Variants in NLGN1 observed in about 807,000 individuals in gnomAD.
NLGN1 encodes the protein neuroligin 1.
Under a neutral mutation model 65.5 loss-of-function variants are expected in NLGN1, and 12 were observed. The observed-to-expected ratio is 0.18, with a 90% CI of 0.12 to 0.30. The LOEUF (loss-of-function observed/expected upper bound fraction) is 0.30. Among genes scored for constraint, NLGN1 ranks in the 10% least tolerant of loss-of-function variants. The probability of loss-of-function intolerance (pLI) is 1.00; values close to 1 mark genes in which losing one functional copy is unlikely to be tolerated. For synonymous variants in NLGN1, 350 were observed against 359.5 expected (o/e 0.97, Z 0.30); for missense variants, 750 against 1,007.1 (o/e 0.74, Z 3.46).
chr3:173,556,675 C>T (rs9859205), intron 2 of NLGN1, among the ~76,000 whole-genome samples: 3,586 of 151,932 alleles, frequency 0.024, 146 homozygotes, highest in African/African-American at 0.082. Context: ...GCCTGGTGCA[C>T]GTGCCTGTAG....
chr3:173,547,975 A>G (rs1740183334), intron 2 of NLGN1, among the ~76,000 whole-genome samples: 1 of 152,068 alleles, frequency 6.6e-6, no homozygotes, highest in South Asian at 2.1e-4. Flanking sequence ...TCTCGGGAGT[A>G]GTGCTAAGGT....
intron 4 of NLGN1, 76 bp downstream of exon 4, chr3:173,807,908 C>A: frequency 1.4e-6 from 2 of 1,462,852 alleles, no homozygotes; most frequent in South Asian, 2.3e-5. Context: ...TTGTTTTGTT[C>A]TGCTTTGCTT....
At chr3:174,283,933 A>G (rs1302197138) in exon 7 of NLGN1, 1 of 151,442 alleles carries the variant, frequency 6.6e-6, no homozygotes, top group South Asian at 2.1e-4. Context: ...TAAGATATGA[A>G]TGAATACTTT....
intron 2 of NLGN1, among the ~76,000 whole-genome samples, chr3:173,571,988 A>G (rs1391930819): frequency 6.6e-6 from 1 of 152,238 alleles, no homozygotes; most frequent in Non-Finnish European, 1.5e-5. Context: ...ATGAGGAAAA[A>G]GAATAATTTT....
At chr3:173,707,574 C>T (rs1308946983) in intron 3 of NLGN1, among the ~76,000 whole-genome samples, 1 of 152,056 alleles carries the variant, frequency 6.6e-6, no homozygotes, top group Non-Finnish European at 1.5e-5. Flanking sequence ...AAGACTGAGT[C>T]TCTGTCTCCC....
chr3:174,230,975 G>A (rs931344427), intron 4 of NLGN1, among the ~76,000 whole-genome samples: 1 of 152,140 alleles, frequency 6.6e-6, no homozygotes. Flanking sequence ...AGGCAGTCTA[G>A]TCCTCAGGCA....
At chr3:174,282,939 A>AGAT (rs1258431877) in exon 7 of NLGN1, 3 of 152,144 alleles carry the variant, frequency 2.0e-5, no homozygotes, top group African/African-American at 7.2e-5. Flanking sequence ...CAAGAATGAA[A>AGAT]GATTATTATA....
chr3:174,048,346 A>G (rs1182140483), intron 4 of NLGN1, among the ~76,000 whole-genome samples: 1 of 152,112 alleles, frequency 6.6e-6, no homozygotes, highest in African/African-American at 2.4e-5. Context: ...TGAGGGAATT[A>G]GACTGATTGG....
chr3:173,669,974 C>T (rs1762243624), intron 3 of NLGN1, among the ~76,000 whole-genome samples: 2 of 152,198 alleles, frequency 1.3e-5, no homozygotes, highest in Non-Finnish European at 2.9e-5. Context: ...ATAATTAAAA[C>T]TTTGTAAGGA....
chr3:174,278,438 A>G (rs481359), intron 5 of NLGN1, among the ~76,000 whole-genome samples: 18,840 of 151,988 alleles, frequency 0.12, 1,302 homozygotes, highest in African/African-American at 0.17. Flanking sequence ...GAAGATGGAC[A>G]CAGCCAAACT....
chr3:174,132,922 T>C (rs2152674830), intron 4 of NLGN1, among the ~76,000 whole-genome samples: 4 of 152,298 alleles, frequency 2.6e-5, no homozygotes, highest in Middle Eastern at 6.8e-3. Flanking sequence ...AAATTAGGCT[T>C]AACCACTAAT....
intron 4 of NLGN1, among the ~76,000 whole-genome samples, chr3:174,247,905 T>C (rs1198309772): frequency 6.6e-6 from 1 of 152,228 alleles, no homozygotes; most frequent in East Asian, 1.9e-4. Flanking sequence ...AGATGTGTGA[T>C]GTATATTAAT....
intron 2 of NLGN1, among the ~76,000 whole-genome samples, chr3:173,498,101 C>T (rs988504127): frequency 3.3e-5 from 5 of 151,508 alleles, no homozygotes; most frequent in African/African-American, 4.9e-5. Flanking sequence ...ATGTGCACAA[C>T]GTGCAGGTTT....
intron 1 of NLGN1, among the ~76,000 whole-genome samples, chr3:173,433,274 T>G (rs1370981445): frequency 6.6e-6 from 1 of 152,178 alleles, no homozygotes; most frequent in Non-Finnish European, 1.5e-5. Context: ...TCATCCTGTT[T>G]GGGGTTGAAC....
intron 4 of NLGN1, among the ~76,000 whole-genome samples, chr3:174,261,178 G>C (rs1240348326): frequency 6.7e-6 from 1 of 148,688 alleles, no homozygotes; most frequent in East Asian, 2.0e-4. Flanking sequence ...GCTCTTTTTT[G>C]GTTCCATATG....
intron 4 of NLGN1, among the ~76,000 whole-genome samples, chr3:174,266,605 C>T (rs1328643953): frequency 2.6e-5 from 4 of 152,066 alleles, no homozygotes; most frequent in Non-Finnish European, 5.9e-5. Flanking sequence ...AACGGTATTT[C>T]TATTTTAAGT....
chr3:173,617,553 G>C (rs1753303857), intron 3 of NLGN1, among the ~76,000 whole-genome samples: 1 of 152,158 alleles, frequency 6.6e-6, no homozygotes, highest in Admixed American at 6.5e-5. Flanking sequence ...TTATGGCGCA[G>C]TGCTCCCCAA....
At chr3:174,090,428 G>A (rs145825110) in intron 4 of NLGN1, among the ~76,000 whole-genome samples, 3,818 of 152,036 alleles carry the variant, frequency 0.025, 162 homozygotes, top group African/African-American at 0.087. Flanking sequence ...AGCTGAGATC[G>A]CACCACTGCA....
intron 4 of NLGN1, among the ~76,000 whole-genome samples, chr3:174,170,479 G>C (rs1728314961): frequency 6.6e-6 from 1 of 152,126 alleles, no homozygotes; most frequent in Non-Finnish European, 1.5e-5. Flanking sequence ...ATCAGCCCAA[G>C]GGCTGACAGG....
Sources: allele counts gnomAD v4.1 joint callset (sites outside exome capture counted in the v4.1 genomes callset), GRCh38; gene constraint gnomAD v4.1.1; transcripts MANE v1.5; gene names NCBI Gene and HGNC (gene_info 2026-07-23, HGNC 2026-07-21).